Variants in ZNF536 observed in about 807,000 individuals in gnomAD.
The protein encoded by ZNF536 is zinc finger protein 536.
ZNF536 carries 13 observed loss-of-function variants against 84.5 expected under a neutral mutation model. That is an observed-to-expected ratio of 0.15 (90% confidence interval 0.10 to 0.24). The LOEUF (loss-of-function observed/expected upper bound fraction) is 0.24. Ranked by LOEUF, ZNF536 falls within the 10% of genes least tolerant of loss-of-function variation. The probability of loss-of-function intolerance (pLI) is 1.00; values close to 1 mark genes in which losing one functional copy is unlikely to be tolerated. For missense variants in ZNF536, 1,536 were observed against 1,747.5 expected (o/e 0.88, Z 2.16); for synonymous variants, 811 against 742.5 (o/e 1.09, Z -1.50).
chr19:30,416,733 T>A (rs994807563), intron 1 of ZNF536, among the ~76,000 whole-genome samples: 15 of 152,154 alleles, frequency 9.9e-5, no homozygotes, highest in Non-Finnish European at 1.8e-4. Context: ...CTTTAAACTC[T>A]CTCCTGTGTC....
chr19:30,448,048 G>A (rs576651704), intron 2 of ZNF536, among the ~76,000 whole-genome samples: 46 of 152,188 alleles, frequency 3.0e-4, no homozygotes, highest in South Asian at 1.9e-3. Flanking sequence ...AGAACCAACC[G>A]TGCTCATGAC....
chr19:30,636,110 G>A (rs536735521), intron 1 of ZNF536, among the ~76,000 whole-genome samples: 1 of 152,204 alleles, frequency 6.6e-6, no homozygotes, highest in Non-Finnish European at 1.5e-5. Flanking sequence ...CTTGCTTGGT[G>A]GGGCCCGGGT....
At chr19:30,257,678 T>G (rs912537409) in intron 1 of ZNF536, among the ~76,000 whole-genome samples, 2 of 152,182 alleles carry the variant, frequency 1.3e-5, no homozygotes, top group African/African-American at 4.8e-5. Context: ...TGGAGAATAC[T>G]GGGGCCTTGA....
At chr19:30,524,930 AATT>A (rs1340070182) in intron 2 of ZNF536, among the ~76,000 whole-genome samples, 10 of 152,186 alleles carry the variant, frequency 6.6e-5, no homozygotes, top group Non-Finnish European at 8.8e-5. Flanking sequence ...ATTTTATTAT[AATT>A]ATTATAGTAA....
In ZNF536 at chr19:30,597,444, T is replaced by C. The variant is rs570760231; in HGVS notation, c.169+47930T>C. ...AGCCCGAGAAGTGAATGGGCTTCTA[T>C]GGGCTGATGGGAGTGCAGGACATCA... On this transcript the variant is annotated intron_variant, in intron 1 of 1. Transcript: ENST00000592773. 5.3e-4 allele frequency among the ~76,000 whole-genome samples: 81 copies of C among 152,318 alleles called. 1 individual carries two copies. Among genetic ancestry groups the C allele is most frequent in the Non-Finnish European group, 1.0e-3 (69 of 68,012 alleles).
At chr19:30,680,822 C>T (rs1212068400) in intron 1 of ZNF536, among the ~76,000 whole-genome samples, 12 of 152,248 alleles carry the variant, frequency 7.9e-5, no homozygotes, top group African/African-American at 2.9e-4. Context: ...CCTGAGGAAT[C>T]GCCACACTGA....
upstream of ZNF536, among the ~76,000 whole-genome samples, chr19:30,228,136 G>C (rs1356138368): frequency 6.6e-6 from 1 of 150,402 alleles, no homozygotes; most frequent in Non-Finnish European, 1.5e-5. This position sits in a 1 kb window ranked among gnomAD's most constrained non-coding sequence, Gnocchi z 4.5. Flanking sequence ...CTAGCAACTG[G>C]ATTTTTACTT....
At chr19:30,480,520 G>A (rs995165227) in intron 2 of ZNF536, among the ~76,000 whole-genome samples, 2 of 152,106 alleles carry the variant, frequency 1.3e-5, no homozygotes, top group Admixed American at 6.5e-5. Flanking sequence ...GACACAGGGA[G>A]GGGAACATCA....
chr19:30,609,272 T>C (rs888068931), intron 1 of ZNF536, among the ~76,000 whole-genome samples: 12 of 152,128 alleles, frequency 7.9e-5, no homozygotes, highest in Admixed American at 7.2e-4. Context: ...AATAGAAAAA[T>C]GGAAACAGGG....
chr19:30,476,733 G>A (rs1444098914), intron 2 of ZNF536, among the ~76,000 whole-genome samples: 2 of 152,112 alleles, frequency 1.3e-5, no homozygotes, highest in Non-Finnish European at 2.9e-5. Flanking sequence ...CATTTTAGTG[G>A]CTCCTCAAGC....
chr19:30,245,747 T>C (rs1394984074), intron 1 of ZNF536, among the ~76,000 whole-genome samples: 9 of 152,256 alleles, frequency 5.9e-5, no homozygotes, highest in Non-Finnish European at 1.2e-4. Flanking sequence ...CATGTTATGA[T>C]AGGGACAGGC....
In ZNF536 at chr19:30,524,123, TAATAGATTATTTAA is replaced by T. The variant is rs1599685216; in HGVS notation, c.2171-10720_2171-10707del. The stretch of plus-strand genomic sequence containing the variant: ...CATCACGAATGCCTCCATGCCGCCC[TAATAGATTATTTAA>T]AATGGTGTGTGTGTCTCTCATGCAA... On this transcript the variant is annotated intron_variant, in intron 2 of 4. Transcript: ENST00000355537. 2.0e-5 allele frequency among the ~76,000 whole-genome samples: 3 copies of T among 152,328 alleles called. No individual in the cohort carries two copies. The East Asian group carries it at 5.8e-4, about 29-fold the overall frequency.
intron 2 of ZNF536, among the ~76,000 whole-genome samples, chr19:30,460,353 G>A (rs531538099): frequency 5.9e-5 from 9 of 152,236 alleles, no homozygotes; most frequent in African/African-American, 2.2e-4. Flanking sequence ...GCAACTAAAT[G>A]GTGTCCAAAA....
intron 1 of ZNF536, among the ~76,000 whole-genome samples, chr19:30,418,173 A>G (rs527503783): frequency 2.0e-5 from 3 of 152,034 alleles, no homozygotes; most frequent in African/African-American, 4.8e-5. Context: ...CAAAATGATC[A>G]TGTAGATTTG....
intron 4 of ZNF536, among the ~76,000 whole-genome samples, chr19:30,551,913 C>T (rs2045799407): frequency 6.6e-6 from 1 of 152,168 alleles, no homozygotes; most frequent in South Asian, 2.1e-4. Flanking sequence ...ATATCTGGCC[C>T]ACCATAATTG....
chr19:30,648,170 G>A lies in ZNF536; in HGVS notation c.170-62587G>A, dbSNP rs541219594. ...AAAAGGGCTGCTCCATGCAGAAGGT[G>A]CACACCCACGGGCTTTCAGATGCTC... is the stretch of plus-strand genomic sequence containing the variant. On this transcript the variant is annotated intron_variant, in intron 1 of 1. Transcript: ENST00000592773. 7.0e-4 allele frequency among the ~76,000 whole-genome samples: 107 copies of A among 152,248 alleles called. 2 individuals are homozygous for A. The South Asian group carries it at 0.02, about 29-fold the overall frequency.
intron 1 of ZNF536, among the ~76,000 whole-genome samples, chr19:30,610,057 T>C (rs1421185941): frequency 6.6e-6 from 1 of 152,204 alleles, no homozygotes; most frequent in African/African-American, 2.4e-5. Flanking sequence ...CATCCATCCA[T>C]GTCACAGATA....
At chr19:30,425,916 G>A (rs1380366223) in intron 1 of ZNF536, among the ~76,000 whole-genome samples, 1 of 152,214 alleles carries the variant, frequency 6.6e-6, no homozygotes, top group African/African-American at 2.4e-5. Flanking sequence ...GTTGGCTGTG[G>A]AGTCTGGACC....
intron 1 of ZNF536, among the ~76,000 whole-genome samples, chr19:30,412,898 A>G (rs1568404199): frequency 6.6e-6 from 1 of 151,708 alleles, no homozygotes; most frequent in Non-Finnish European, 1.5e-5. Flanking sequence ...GTTATCCTTA[A>G]ATTTCTTCTA....
Sources: allele counts gnomAD v4.1 joint callset (sites outside exome capture counted in the v4.1 genomes callset), GRCh38; gene constraint gnomAD v4.1.1; non-coding constraint Gnocchi (gnomAD v3.1); transcripts MANE v1.5; gene names NCBI Gene and HGNC (gene_info 2026-07-23, HGNC 2026-07-21).